Variants in KDM4C observed in about 807,000 individuals in gnomAD.
KDM4C encodes lysine-specific demethylase 4C.
Under a neutral mutation model 129.3 loss-of-function variants are expected in KDM4C, and 81 were observed. The ratio of observed to expected loss-of-function variants is 0.63; its 90% confidence interval spans 0.52 to 0.75. KDM4C has a LOEUF of 0.75. Among genes scored for constraint, KDM4C ranks in the 30% least tolerant of loss-of-function variants. The probability of loss-of-function intolerance (pLI) is 0.00; values close to 1 mark genes in which losing one functional copy is unlikely to be tolerated. For missense variants in KDM4C, 1,457 were observed against 1,304.0 expected (o/e 1.12, Z -1.81); for synonymous variants, 573 against 456.1 (o/e 1.26, Z -3.26).
intron 1 of KDM4C, among the ~76,000 whole-genome samples, chr9:6,780,851 T>C (rs895756890): frequency 6.7e-6 from 1 of 148,178 alleles, no homozygotes; most frequent in Non-Finnish European, 1.5e-5. Context: ...CTCTCCAGAA[T>C]GCAGTCTCTT....
chr9:7,151,976 T>C (rs550135726), intron 19 of KDM4C, among the ~76,000 whole-genome samples: 1 of 152,342 alleles, frequency 6.6e-6, no homozygotes, highest in South Asian at 2.1e-4. Flanking sequence ...GGCTGCGAGA[T>C]AACCTCCTAG....
intron 8 of KDM4C, among the ~76,000 whole-genome samples, chr9:6,915,049 G>A (rs10975894): frequency 0.041 from 6,185 of 152,196 alleles, 224 homozygotes; most frequent in East Asian, 0.19. Context: ...TGAAATTCTC[G>A]AGTTAGTCTT....
At chr9:6,917,660 C>T (rs142535531) in intron 8 of KDM4C, among the ~76,000 whole-genome samples, 21 of 152,304 alleles carry the variant, frequency 1.4e-4, no homozygotes, top group African/African-American at 4.6e-4. Flanking sequence ...TTGCCGAGTT[C>T]GTTGGCTCTC....
intron 8 of KDM4C, among the ~76,000 whole-genome samples, chr9:6,911,306 T>C (rs1819265857): frequency 6.6e-6 from 1 of 152,142 alleles, no homozygotes; most frequent in South Asian, 2.1e-4. Context: ...ATCTGAAAGA[T>C]TAGAGTTTCC....
chr9:6,741,489 G>C (rs1339423057), intron 1 of KDM4C, among the ~76,000 whole-genome samples: 4 of 152,034 alleles, frequency 2.6e-5, no homozygotes, highest in Non-Finnish European at 5.9e-5. Flanking sequence ...CCTTTTTATT[G>C]TTCTTCATTC....
intron 19 of KDM4C, among the ~76,000 whole-genome samples, chr9:7,162,454 A>G (rs989172063): frequency 4.6e-5 from 7 of 152,240 alleles, no homozygotes; most frequent in African/African-American, 1.4e-4. Flanking sequence ...TACAATTAGT[A>G]ATAAAAGATA....
intron 8 of KDM4C, among the ~76,000 whole-genome samples, chr9:6,895,447 C>A (rs10125702): frequency 6.6e-6 from 1 of 152,076 alleles, no homozygotes; most frequent in Non-Finnish European, 1.5e-5. Context: ...CTGTGTAGTT[C>A]CTGCATTTCA....
intron 8 of KDM4C, among the ~76,000 whole-genome samples, chr9:6,961,259 C>T (rs536079809): frequency 1.3e-5 from 2 of 151,980 alleles, no homozygotes; most frequent in South Asian, 4.1e-4. Flanking sequence ...TGATAATTAT[C>T]CAGTGGTAAT....
intron 17 of KDM4C, among the ~76,000 whole-genome samples, chr9:7,090,664 C>G (rs1835687008): frequency 6.6e-6 from 1 of 152,176 alleles, no homozygotes. Flanking sequence ...ATAGAAGGTT[C>G]AGAACTGCAG....
intron 17 of KDM4C, among the ~76,000 whole-genome samples, chr9:7,067,320 G>A (rs148728341): frequency 2.7e-4 from 41 of 152,338 alleles, no homozygotes; most frequent in Admixed American, 7.2e-4. Context: ...CACAACGTAC[G>A]TTCTGCATAG....
intron 18 of KDM4C, 99 bp downstream of exon 18, chr9:7,103,969 G>A: frequency 9.3e-7 from 1 of 1,073,930 alleles, no homozygotes; most frequent in Non-Finnish European, 1.4e-6. Context: ...TCTGTAATAT[G>A]ACTCATTGTT....
chr9:6,949,024 G>A (rs1326943224), intron 8 of KDM4C, among the ~76,000 whole-genome samples: 1 of 152,144 alleles, frequency 6.6e-6, no homozygotes, highest in Non-Finnish European at 1.5e-5. Context: ...GGTGGCGGCC[G>A]GGCAGAGGGG....
chr9:7,135,643 G>C (rs1564163055), intron 19 of KDM4C, among the ~76,000 whole-genome samples: 1 of 152,192 alleles, frequency 6.6e-6, no homozygotes, highest in East Asian at 1.9e-4. Flanking sequence ...GGGGGATTCA[G>C]AGATGTGTAA....
intron 19 of KDM4C, among the ~76,000 whole-genome samples, chr9:7,131,847 C>G (rs1443823306): frequency 6.6e-6 from 1 of 152,174 alleles, no homozygotes; most frequent in Non-Finnish European, 1.5e-5. Context: ...AACTACATTT[C>G]ACATTCCTCA....
intron 8 of KDM4C, among the ~76,000 whole-genome samples, chr9:6,919,948 C>G (rs1821174037): frequency 6.6e-6 from 1 of 152,160 alleles, no homozygotes; most frequent in African/African-American, 2.4e-5. Flanking sequence ...CTGCTTTTGT[C>G]AAAGTCAGTG....
intron 15 of KDM4C, among the ~76,000 whole-genome samples, chr9:7,024,378 C>T (rs1412524059): frequency 2.0e-5 from 3 of 149,082 alleles, no homozygotes; most frequent in East Asian, 2.0e-4. Flanking sequence ...TACATGTGCA[C>T]AATGTGAGGT....
At chr9:6,904,638 A>G (rs987194121) in intron 8 of KDM4C, among the ~76,000 whole-genome samples, 2 of 152,180 alleles carry the variant, frequency 1.3e-5, no homozygotes, top group East Asian at 3.8e-4. Context: ...TTATTCCACT[A>G]CAGTTAATAC....
At chr9:7,087,515 G>C (rs991298796) in intron 17 of KDM4C, among the ~76,000 whole-genome samples, 1 of 152,000 alleles carries the variant, frequency 6.6e-6, no homozygotes, top group African/African-American at 2.4e-5. Context: ...TTAAAACTTA[G>C]AGTCTTGTCA....
Position 6,972,470 on chromosome 9 carries a change from G to A in KDM4C, c.922-8455G>A, listed in dbSNP as rs187900798. 5.1e-3 allele frequency among the ~76,000 whole-genome samples: 783 copies of A among 152,142 alleles called. 7 individuals are homozygous for A. The highest frequency in any genetic ancestry group is 0.018 in the African/African-American group (739 of 41,478). The stretch of plus-strand genomic sequence containing the variant: ...TTTAAGATATTTGGTAAACACAGAT[G>A]AGCTGTGCGTTGTTAAAATTAAGTT... On this transcript the variant is annotated intron_variant, in intron 8 of 21. Transcript: ENST00000381309.
Sources: allele counts gnomAD v4.1 joint callset (sites outside exome capture counted in the v4.1 genomes callset), GRCh38; gene constraint gnomAD v4.1.1; transcripts MANE v1.5; gene names NCBI Gene and HGNC (gene_info 2026-07-23, HGNC 2026-07-21).